The following FBXO34 variants were observed in gnomAD, a reference collection of about 807,000 sequenced individuals.
FBXO34 encodes F-box only protein 34.
In FBXO34, 12 loss-of-function variants were observed where a neutral mutation model predicts 24.5. That is an observed-to-expected ratio of 0.49 (90% CI 0.31 to 0.79). The LOEUF (loss-of-function observed/expected upper bound fraction) is 0.79, where lower values mean the gene tolerates loss of function less well. Among genes scored for constraint, FBXO34 ranks in the 30% least tolerant of loss-of-function variants. FBXO34 has a pLI of 0.04. For missense variants in FBXO34, 823 were observed against 857.7 expected, an observed-to-expected ratio of 0.96 and a Z score of 0.51; for synonymous variants, 320 against 311.9, an observed-to-expected ratio of 1.03 and a Z score of -0.27.
At chr14:55,280,892 T>C (rs1252328443) in intron 1 of FBXO34, among the ~76,000 whole-genome samples, 1 of 152,100 alleles carries the variant, frequency 6.6e-6, no homozygotes, top group African/African-American at 2.4e-5. Flanking sequence ...CAATCCGCCA[T>C]GGATACTGAG....
intron 1 of FBXO34, among the ~76,000 whole-genome samples, chr14:55,331,703 A>ATATATG (rs1257688415): frequency 1.6e-5 from 1 of 63,254 alleles, no homozygotes; most frequent in African/African-American, 1.6e-4. Flanking sequence ...ATATATATAT[A>ATATATG]TGTATATATA....
chr14:55,377,886 A>C, the FBXO34 span: 1 of 1,605,962 alleles, frequency 6.2e-7, no homozygotes, highest in Non-Finnish European at 8.5e-7. Context: ...AGTGGTTGTA[A>C]TTGATCTAAA....
At chr14:55,298,860 A>G (rs1882238219) in intron 1 of FBXO34, 1 of 1,610,312 alleles carries the variant, frequency 6.2e-7, no homozygotes. Context: ...GATCGACGGT[A>G]CATTATCAAC....
chr14:55,308,722 C>G (rs1594742576), intron 1 of FBXO34, among the ~76,000 whole-genome samples: 1 of 152,186 alleles, frequency 6.6e-6, no homozygotes, highest in African/African-American at 2.4e-5. Flanking sequence ...CATCAAATTC[C>G]TCCTTAATTC....
the FBXO34 span, among the ~76,000 whole-genome samples, chr14:55,412,747 C>G: frequency 1.3e-5 from 2 of 152,306 alleles, no homozygotes; most frequent in African/African-American, 4.8e-5. Context: ...AGCCAGGATT[C>G]CTTTCTCAAG....
the FBXO34 span, among the ~76,000 whole-genome samples, chr14:55,401,817 G>A: frequency 1.3e-5 from 2 of 152,206 alleles, no homozygotes; most frequent in African/African-American, 4.8e-5. Flanking sequence ...CAGGAGCGCT[G>A]CCTGTCCAAG....
intron 1 of FBXO34, among the ~76,000 whole-genome samples, chr14:55,301,495 G>T (rs1024748870): frequency 8.6e-5 from 13 of 151,938 alleles, no homozygotes; most frequent in Non-Finnish European, 1.3e-4. Flanking sequence ...AGCATTGTTA[G>T]GTTTATTTTC....
At chr14:55,294,344 G>C (rs1017990945) in intron 1 of FBXO34, among the ~76,000 whole-genome samples, 1 of 152,064 alleles carries the variant, frequency 6.6e-6, no homozygotes, top group Non-Finnish European at 1.5e-5. Flanking sequence ...TCCCAGGCTG[G>C]AGTGCAGTGG....
chr14:55,313,782 C>T (rs1369017163), intron 1 of FBXO34, among the ~76,000 whole-genome samples: 2 of 152,112 alleles, frequency 1.3e-5, no homozygotes, highest in African/African-American at 4.8e-5. Flanking sequence ...TGGGGGAAAC[C>T]ACCCCCACCA....
At chr14:55,345,561 C>T (rs1238075859) in intron 1 of FBXO34, among the ~76,000 whole-genome samples, 1 of 152,200 alleles carries the variant, frequency 6.6e-6, no homozygotes, top group African/African-American at 2.4e-5. Flanking sequence ...CCCGTCTCCC[C>T]ATGGGCTCTC....
At chr14:55,421,814 A>G in the FBXO34 span, among the ~76,000 whole-genome samples, 18 of 152,318 alleles carry the variant, frequency 1.2e-4, no homozygotes, top group African/African-American at 3.6e-4. Flanking sequence ...AAAGCAAACT[A>G]TACAACTCAG....
At chr14:55,406,572 T>C in the FBXO34 span, among the ~76,000 whole-genome samples, 1 of 152,248 alleles carries the variant, frequency 6.6e-6, no homozygotes, top group East Asian at 1.9e-4. Context: ...CTTTCTCCTC[T>C]GTATTGCCAG....
chr14:55,284,035 T>C (rs1304231008), intron 1 of FBXO34, among the ~76,000 whole-genome samples: 2 of 151,686 alleles, frequency 1.3e-5, no homozygotes, highest in African/African-American at 4.8e-5. Context: ...GTCTCATTCT[T>C]TTGCTCAGAC....
chr14:55,400,957 A>ATAAAC, the FBXO34 span, among the ~76,000 whole-genome samples: 2 of 145,118 alleles, frequency 1.4e-5, no homozygotes, highest in African/African-American at 2.5e-5. Flanking sequence ...ATAAAATAAA[A>ATAAAC]TAAACTGCTT....
the FBXO34 span, among the ~76,000 whole-genome samples, chr14:55,393,117 C>T: frequency 6.6e-6 from 1 of 152,148 alleles, no homozygotes; most frequent in Non-Finnish European, 1.5e-5. Context: ...CGCGGTGGCT[C>T]ACGCCTGTAA....
the FBXO34 span, chr14:55,397,237 T>C: frequency 2.5e-6 from 2 of 804,270 alleles, no homozygotes; most frequent in Non-Finnish European, 4.2e-6. Context: ...CATGCACTCC[T>C]TTCCTACACT....
intron 1 of FBXO34, among the ~76,000 whole-genome samples, chr14:55,330,197 G>A (rs1883485921): frequency 6.6e-6 from 1 of 152,000 alleles, no homozygotes; most frequent in African/African-American, 2.4e-5. Flanking sequence ...CTGATTGGTG[G>A]GTGTTCTTTC....
chr14:55,383,701 G>A, the FBXO34 span, among the ~76,000 whole-genome samples: 1 of 152,014 alleles, frequency 6.6e-6, no homozygotes, highest in Non-Finnish European at 1.5e-5. Flanking sequence ...CTCACGAATG[G>A]TGCTATAATC....
At chr14:55,372,389 C>G (rs951581957), downstream of FBXO34, among the ~76,000 whole-genome samples, 1 of 152,172 alleles carries the variant, frequency 6.6e-6, no homozygotes, top group African/African-American at 2.4e-5. Flanking sequence ...CCTGGGCTCC[C>G]TCCTTTACTA....
Sources: allele counts gnomAD v4.1 joint callset (sites outside exome capture counted in the v4.1 genomes callset), GRCh38; gene constraint gnomAD v4.1.1; transcripts MANE v1.5; gene names NCBI Gene and HGNC (gene_info 2026-07-23, HGNC 2026-07-21).